The following ZNF423 variants were observed in gnomAD, a reference collection of about 807,000 sequenced individuals.
The protein encoded by ZNF423 is Ebf-associated zinc finger protein.
Under a neutral mutation model 95.8 loss-of-function variants are expected in ZNF423, and 12 were observed. The ratio of observed to expected loss-of-function variants is 0.13; its 90% CI spans 0.08 to 0.20. The LOEUF is 0.20. ZNF423 is among the 10% of genes least tolerant of loss of function. The pLI is 1.00. For missense variants in ZNF423, 1,316 were observed against 1,737.1 expected, an observed-to-expected ratio of 0.76 and a Z score of 4.31; for synonymous variants, 749 against 711.9, an observed-to-expected ratio of 1.05 and a Z score of -0.83.
At chr16:49,544,927 A>C (rs1158973002) in intron 5 of ZNF423, among the ~76,000 whole-genome samples, 1 of 152,248 alleles carries the variant, frequency 6.6e-6, no homozygotes. Context: ...AGGACCTCTG[A>C]CCTCACAGTG....
chr16:49,723,712 T>C (rs2032930225), intron 3 of ZNF423, among the ~76,000 whole-genome samples: 1 of 152,224 alleles, frequency 6.6e-6, no homozygotes, highest in Admixed American at 6.5e-5. Context: ...ATGTTTAGAT[T>C]CCTGATCCAC....
chr16:49,698,906 A>G (rs1316357897), intron 3 of ZNF423, among the ~76,000 whole-genome samples: 1 of 152,222 alleles, frequency 6.6e-6, no homozygotes, highest in Non-Finnish European at 1.5e-5. Flanking sequence ...GCAGGCCTCT[A>G]AGAAACCCAC....
In ZNF423 at chr16:49,636,933, G is replaced by A. The variant is rs923711687; in HGVS notation, c.2243C>T (p.Ala748Val). 15 of 1,613,544 alleles carry A rather than the reference G, an allele frequency of 9.3e-6. No homozygotes were observed. The highest frequency in any genetic ancestry group is 2.2e-5 in the South Asian group (2 of 91,078). The change falls in exon 4 of 8, where the codon GCG (alanine) becomes GTG (valine). Residue 748 changes from alanine to valine, a missense_variant. Transcript: ENST00000563137. This position sits in a 1 kb window ranked among gnomAD's most constrained non-coding sequence, Gnocchi z 8.6. ...DSKVSIQVHL[A>V]VKHSNEKKMY... ...CTTCTTCTCATTGCTGTGCTTCACCGCCAGGTGCACCTGGATGGACACCTT... is the reference window on the plus strand; with the variant it reads ...CTTCTTCTCATTGCTGTGCTTCACCACCAGGTGCACCTGGATGGACACCTT...
intron 3 of ZNF423, among the ~76,000 whole-genome samples, chr16:49,667,182 C>T (rs2030586943): frequency 1.3e-5 from 2 of 152,154 alleles, no homozygotes; most frequent in African/African-American, 4.8e-5. Flanking sequence ...AACAGTAGTC[C>T]CTATCCCAAG....
At chr16:49,692,929 A>T (rs1300075655) in intron 3 of ZNF423, among the ~76,000 whole-genome samples, 2 of 152,268 alleles carry the variant, frequency 1.3e-5, no homozygotes, top group Non-Finnish European at 2.9e-5. Context: ...TGTGCCAGGC[A>T]CATAGTAGGT....
chr16:49,580,182 G>A (rs1479442609), intron 5 of ZNF423, among the ~76,000 whole-genome samples: 1 of 152,086 alleles, frequency 6.6e-6, no homozygotes, highest in East Asian at 1.9e-4. Flanking sequence ...GCCACATCCT[G>A]GAAGGCCCAA....
At chr16:49,533,500 G>T (rs976175246) in intron 5 of ZNF423, among the ~76,000 whole-genome samples, 1 of 152,218 alleles carries the variant, frequency 6.6e-6, no homozygotes, top group African/African-American at 2.4e-5. Flanking sequence ...GAAGACTCCA[G>T]ATGGTTCCAC....
intron 2 of ZNF423, among the ~76,000 whole-genome samples, chr16:49,742,798 C>CA (rs941088952): frequency 1.3e-5 from 2 of 151,880 alleles, no homozygotes; most frequent in African/African-American, 4.8e-5. Context: ...CTTGTGGCTG[C>CA]AAAAAAAGGA....
intron 4 of ZNF423, among the ~76,000 whole-genome samples, chr16:49,628,517 ATATCCATCCATCCATC>A (rs1327237476): frequency 1.9e-4 from 29 of 149,074 alleles, no homozygotes; most frequent in African/African-American, 7.0e-4. Flanking sequence ...ATCTACACAC[ATATCCATCCATCCATC>A]TATCCATCCA....
intron 5 of ZNF423, among the ~76,000 whole-genome samples, chr16:49,620,206 CACAG>C (rs1190054494): frequency 7.0e-6 from 1 of 142,566 alleles, no homozygotes; most frequent in Non-Finnish European, 1.5e-5. Context: ...CACATACACA[CACAG>C]ACACACACAT....
rs1228734704 is a variant in ZNF423 at position 49,730,977 on chromosome 16, A to C, written c.101-6T>G. 2 of 1,614,204 alleles carry C rather than the reference A, an allele frequency of 1.2e-6. No individual in the cohort carries two copies. The highest frequency in any genetic ancestry group is 1.7e-6 in the Non-Finnish European group (2 of 1,180,014). The stretch of plus-strand genomic sequence containing the variant: ...TGGCTCTCCTTCTAGGCCTCCTGCC[A>C]ACAGGAAGAATACAGTCCATGTCAG... On this transcript the variant is annotated splice_region_variant and splice_polypyrimidine_tract_variant and intron_variant, in intron 2 of 7. Transcript: ENST00000563137.
rs1160154278 is a variant in ZNF423, at chr16:49,672,499, AC to A, written c.302-33626del. On this transcript the variant is annotated intron_variant, in intron 3 of 7. Coordinates refer to ENST00000563137, the MANE Select transcript of ZNF423 (RefSeq NM_001379286.1). ...CCATCCCCAGGGTGTCCCATAGTTG[AC>A]CAAAGTACGGAGCTGCAGTTTAAAA... Among the ~76,000 whole-genome samples the A allele has an allele frequency of 8.5e-4, 129 of 151,984 alleles. 4 individuals carry two copies. Among genetic ancestry groups the A allele is most frequent in the Non-Finnish European group, 1.5e-4 (10 of 67,966 alleles).
chr16:49,840,416 A>G (rs1423398286), intron 1 of ZNF423, among the ~76,000 whole-genome samples: 2 of 152,172 alleles, frequency 1.3e-5, no homozygotes, highest in Admixed American at 6.5e-5. Context: ...CACAACCACA[A>G]CTTTACACAT....
In ZNF423 at chr16:49,730,875, T is replaced by G. The variant is rs749243699; in HGVS notation, c.197A>C (p.Asp66Ala). Reference sequence around the variant, plus strand: ...AATTGATTCATCCTCCATGTCTTCATCATCCTCATTTCTCTCCTCTTGACT... The same window carrying G: ...AATTGATTCATCCTCCATGTCTTCAGCATCCTCATTTCTCTCCTCTTGACT... ...VTSQEERNEDDEDMEDESIYT... is the reference protein window; with the variant it reads ...VTSQEERNEDAEDMEDESIYT... Residue 66 changes from aspartate (D) to alanine (A), a missense_variant, in exon 3 of 8, where the codon GAT (aspartate) becomes GCT (alanine). Physicochemically the swap from Asp to Ala is moderately radical, Grantham distance 126. Transcript: ENST00000563137. The G allele has an allele frequency of 4.0e-5, 64 of 1,614,082 alleles. No homozygotes were observed. Among genetic ancestry groups the G allele is most frequent in the Non-Finnish European group, 4.6e-5 (54 of 1,180,056 alleles).
chr16:49,509,579 A>G (rs1042690497), intron 7 of ZNF423, among the ~76,000 whole-genome samples: 1 of 152,004 alleles, frequency 6.6e-6, no homozygotes, highest in East Asian at 1.9e-4. Flanking sequence ...GTCATTAGTA[A>G]TTGTTCCTGC....
intron 7 of ZNF423, among the ~76,000 whole-genome samples, chr16:49,499,017 T>G (rs1051418513): frequency 5.3e-5 from 8 of 152,194 alleles, no homozygotes; most frequent in African/African-American, 1.9e-4. Context: ...GCCTGCCCTG[T>G]GATGCAGTCA....
rs145353588 is a variant in ZNF423 at position 49,502,140 on chromosome 16, C to T, written c.3850-10836G>A. On this transcript the variant is annotated intron_variant, in intron 7 of 7. Coordinates refer to ENST00000563137, the MANE Select transcript of ZNF423 (RefSeq NM_001379286.1). ...CTGCAGGTTGAATCTGGCCCTCGGG[C>T]CACCAGCTTGAGACCTCTGGGGTTG... is the stretch of plus-strand genomic sequence containing the variant. Among the ~76,000 whole-genome samples, 123 of 152,316 alleles carry T rather than the reference C, an allele frequency of 8.1e-4. 2 individuals carry two copies. The highest frequency in any genetic ancestry group is 2.3e-3 in the African/African-American group (97 of 41,566).
At chr16:49,781,995 G>A (rs1395998248) in intron 2 of ZNF423, among the ~76,000 whole-genome samples, 3 of 152,248 alleles carry the variant, frequency 2.0e-5, no homozygotes, top group African/African-American at 7.2e-5. Context: ...CTGGGGATGG[G>A]GCTGGAGGTG....
intron 2 of ZNF423, among the ~76,000 whole-genome samples, chr16:49,761,678 G>T (rs372050122): frequency 6.6e-6 from 1 of 152,158 alleles, no homozygotes; most frequent in Non-Finnish European, 1.5e-5. Context: ...CTGAGAAAAT[G>T]GCAACTCCTT....
Sources: gnomAD v4.1 joint callset for allele counts (sites outside exome capture counted in the v4.1 genomes callset) on GRCh38, gnomAD v4.1.1 for gene constraint, Gnocchi (gnomAD v3.1) non-coding constraint, MANE v1.5 for transcripts, NCBI Gene and HGNC (gene_info 2026-07-23, HGNC 2026-07-21) for gene names.